Variants in AHI1 observed in about 807,000 individuals in gnomAD.
AHI1 encodes jouberin.
A neutral mutation model predicts 149.3 loss-of-function variants in AHI1; 123 were observed. The ratio of observed to expected loss-of-function variants is 0.82; its 90% CI spans 0.71 to 0.96. The LOEUF (loss-of-function observed/expected upper bound fraction) is 0.96. Among genes scored for constraint, AHI1 ranks in the 40% least tolerant of loss-of-function variants. The pLI is 0.00. For synonymous variants in AHI1, 475 were observed against 459.8 expected (o/e 1.03, Z -0.42); for missense variants, 1,439 against 1,422.7 (o/e 1.01, Z -0.18).
intron 5 of AHI1, chr6:135,474,473 T>C (rs1792266001): frequency 6.6e-6 from 1 of 152,160 alleles, no homozygotes; most frequent in South Asian, 2.1e-4. Flanking sequence ...TTTATTAGGT[T>C]GAGGAAGTTA....
rs1785234572 is a variant in AHI1 at position 135,311,703 on chromosome 6, C to T, written c.3426+6816G>A. ...ACACAAAAAATAGAACAAAGTTTGT[C>T]AGCACTACTCGTTTTCAAAGCTTCT... is the stretch of plus-strand genomic sequence containing the variant. On this transcript the variant is annotated intron_variant, in intron 26 of 28. Coordinates refer to ENST00000265602, the MANE Select transcript of AHI1 (RefSeq NM_001134831.2). 2.0e-5 allele frequency among the ~76,000 whole-genome samples: 3 copies of T among 152,190 alleles called. No homozygotes were observed. In the South Asian group the frequency reaches 6.2e-4, roughly 32 times the overall value.
chr6:135,362,939 A>C (rs1035654945), intron 23 of AHI1, among the ~76,000 whole-genome samples: 1 of 151,892 alleles, frequency 6.6e-6, no homozygotes, highest in African/African-American at 2.4e-5. Flanking sequence ...TGCCTAAGCC[A>C]ATGTCTAGTA....
chr6:135,318,683 G>C (rs182916933), intron 25 of AHI1, 67 bp from the exon 26 acceptor site: 1 of 873,588 alleles, frequency 1.1e-6, no homozygotes, highest in Non-Finnish European at 1.7e-6. Flanking sequence ...GAAAAACAAC[G>C]ATGGTAGGGG....
chr6:135,351,887 T>C (rs1332397938), intron 24 of AHI1, among the ~76,000 whole-genome samples: 1 of 152,174 alleles, frequency 6.6e-6, no homozygotes, highest in Non-Finnish European at 1.5e-5. Context: ...GGCCTTTGGA[T>C]ATCCATTGTG....
intron 9 of AHI1, among the ~76,000 whole-genome samples, chr6:135,457,036 T>C (rs916936047): frequency 1.3e-5 from 2 of 152,148 alleles, no homozygotes; most frequent in Non-Finnish European, 2.9e-5. Flanking sequence ...GTCATGCCTG[T>C]AATCCCAGCA....
At chr6:135,480,959 C>T (rs1196892477) in intron 5 of AHI1, among the ~76,000 whole-genome samples, 1 of 152,224 alleles carries the variant, frequency 6.6e-6, no homozygotes, top group South Asian at 2.1e-4. Flanking sequence ...AGATGGAACA[C>T]TTTCATCCTG....
intron 23 of AHI1, among the ~76,000 whole-genome samples, chr6:135,378,592 T>G (rs1776271449): frequency 6.6e-6 from 1 of 152,240 alleles, no homozygotes. Flanking sequence ...ACTTCAATTC[T>G]GTGTGTTCAA....
Position 135,368,193 on chromosome 6 carries a change from C to T in AHI1, c.3110-10006G>A, listed in dbSNP as rs58061802. Among the ~76,000 whole-genome samples, 1,398 of 152,244 alleles carry T rather than the reference C, an allele frequency of 9.2e-3. 9 individuals are homozygous for T. The highest frequency in any genetic ancestry group is 0.019 in the African/African-American group (770 of 41,536). ...TTCTGCAGAGTCTGGTGATGTGATCCGTCTTCAGGTCTCTCAGCCATGGAT... is the reference window on the plus strand; with the variant it reads ...TTCTGCAGAGTCTGGTGATGTGATCTGTCTTCAGGTCTCTCAGCCATGGAT... On this transcript the variant is annotated intron_variant, in intron 23 of 28. Transcript: ENST00000265602.
chr6:135,428,538 T>G (rs986480179), intron 19 of AHI1, 91 bp downstream of exon 19: 33 of 1,354,994 alleles, frequency 2.4e-5, no homozygotes, highest in Non-Finnish European at 3.0e-5. Context: ...AGAATTTCCT[T>G]GAAAATTATT....
chr6:135,284,920 C>G lies in AHI1; in HGVS notation c.*725G>C, dbSNP rs1226365670. On this transcript the variant is annotated 3_prime_UTR_variant, in exon 29 of 29. Transcript: ENST00000265602. Reference sequence around the variant, plus strand: ...TGGAGATAGAGTCTTGCTCTGTCCCCCAGGCTGGAGTGCAATGGCGTGATC... The same window carrying G: ...TGGAGATAGAGTCTTGCTCTGTCCCGCAGGCTGGAGTGCAATGGCGTGATC... 3 of 152,252 alleles carry G rather than the reference C, an allele frequency of 2.0e-5. No homozygotes were observed. Among genetic ancestry groups the G allele is most frequent in the Non-Finnish European group, 4.4e-5 (3 of 68,166 alleles). 9.4% of individuals were successfully genotyped at this position (152,252 alleles called of 1,614,324 possible). A position where few individuals can be genotyped will look rare whatever the true frequency, so the allele number is the denominator to read the frequency against.
At chr6:135,444,481 T>A (rs1786841631) in intron 13 of AHI1, among the ~76,000 whole-genome samples, 1 of 152,176 alleles carries the variant, frequency 6.6e-6, no homozygotes, top group East Asian at 1.9e-4. Flanking sequence ...TCCCACTTAT[T>A]TGCAACTTTG....
intron 25 of AHI1, among the ~76,000 whole-genome samples, chr6:135,321,920 G>A (rs149975772): frequency 0.015 from 2,252 of 152,210 alleles, 56 homozygotes; most frequent in African/African-American, 0.051. Flanking sequence ...TCCCGCCTCA[G>A]CCTCCCAAGT....
intron 23 of AHI1, among the ~76,000 whole-genome samples, chr6:135,385,546 T>G (rs1777457330): frequency 6.6e-6 from 1 of 152,092 alleles, no homozygotes; most frequent in African/African-American, 2.4e-5. Context: ...AAGAAGAGAT[T>G]AGAGATTTCA....
chr6:135,471,788 G>A, intron 5 of AHI1, among the ~76,000 whole-genome samples: 1 of 151,646 alleles, frequency 6.6e-6, no homozygotes, highest in Admixed American at 6.6e-5. Flanking sequence ...CGAGGCGGGT[G>A]GATCATGAGG....
chr6:135,376,943 A>G (rs1776034680), intron 23 of AHI1, among the ~76,000 whole-genome samples: 1 of 147,828 alleles, frequency 6.8e-6, no homozygotes, highest in African/African-American at 2.5e-5. Context: ...TTGACTCAAA[A>G]GTCAATGTCA....
intron 23 of AHI1, among the ~76,000 whole-genome samples, chr6:135,391,034 G>A (rs890398618): frequency 2.0e-5 from 3 of 152,032 alleles, no homozygotes; most frequent in Admixed American, 1.3e-4. Flanking sequence ...ATTACTCAGG[G>A]AAGATGTTAT....
intron 23 of AHI1, among the ~76,000 whole-genome samples, chr6:135,369,130 G>A (rs752319138): frequency 1.4e-4 from 21 of 152,268 alleles, no homozygotes; most frequent in Non-Finnish European, 2.9e-4. Flanking sequence ...TATTTCACTC[G>A]GCTCTCTAAA....
intron 27 of AHI1, among the ~76,000 whole-genome samples, chr6:135,296,158 A>G (rs1783066039): frequency 1.3e-5 from 2 of 152,126 alleles, no homozygotes; most frequent in African/African-American, 4.8e-5. Context: ...CCTGGCCGCA[A>G]TTTATTTTAT....
rs112095152 is a variant in AHI1 at position 135,373,210 on chromosome 6, A to C, written c.3110-15023T>G. On this transcript the variant is annotated intron_variant, in intron 23 of 28. Transcript: ENST00000265602. Reference sequence around the variant, plus strand: ...AGATCGCATATACAATGAGGGTCTCATAAGATTATAATACTGCATTTTGCT... The same window carrying C: ...AGATCGCATATACAATGAGGGTCTCCTAAGATTATAATACTGCATTTTGCT... Among the ~76,000 whole-genome samples, 1,433 of 152,362 alleles carry C rather than the reference A, an allele frequency of 9.4e-3. 19 individuals carry two copies. Among genetic ancestry groups the C allele is most frequent in the African/African-American group, 0.032 (1,338 of 41,586 alleles).
Sources: allele counts gnomAD v4.1 joint callset (sites outside exome capture counted in the v4.1 genomes callset), GRCh38; gene constraint gnomAD v4.1.1; transcripts MANE v1.5; gene names NCBI Gene and HGNC (gene_info 2026-07-23, HGNC 2026-07-21).